NLRP1: variants seen among roughly 807,000 people sequenced by gnomAD.
The protein encoded by NLRP1 is NACHT, LRR and PYD domains-containing protein 1.
A neutral mutation model predicts 136.7 loss-of-function variants in NLRP1; 94 were observed. That is an observed-to-expected ratio of 0.69 (90% CI 0.58 to 0.82). The LOEUF (loss-of-function observed/expected upper bound fraction) is 0.82, where lower values mean the gene tolerates loss of function less well. Among genes scored for constraint, NLRP1 ranks in the 40% least tolerant of loss-of-function variants. NLRP1 has a pLI of 0.00. For missense variants in NLRP1, 1,575 were observed against 1,802.7 expected (o/e 0.87, Z 2.29); for synonymous variants, 690 against 725.1 (o/e 0.95, Z 0.78).
chr17:5,512,173 T>C, downstream of NLRP1: 1 of 1,086,866 alleles, frequency 9.2e-7, no homozygotes, highest in African/African-American at 1.5e-5. Context: ...ATTCTCACTT[T>C]CAGGGCAATC....
chr17:5,540,753 TCCCCTTCCCATGC>T (rs1461935805), intron 6 of NLRP1, among the ~76,000 whole-genome samples: 3 of 152,130 alleles, frequency 2.0e-5, no homozygotes, highest in Non-Finnish European at 2.9e-5. Context: ...CCTCGTTGTC[TCCCCTTCCCATGC>T]CCCCTTCCCA....
chr17:5,512,360 C>T (rs1304714004), downstream of NLRP1: 37 of 1,267,844 alleles, frequency 2.9e-5, no homozygotes, highest in South Asian at 1.4e-4. Context: ...TTGGTTATTT[C>T]GTGATCTGTG....
At chr17:5,566,314 C>T (rs1420853885) in intron 3 of NLRP1, among the ~76,000 whole-genome samples, 1 of 151,768 alleles carries the variant, frequency 6.6e-6, no homozygotes, top group African/African-American at 2.4e-5. Flanking sequence ...TAGCTATAAA[C>T]TTCTCTCTTA....
exon 16 of NLRP1, chr17:5,501,563 CCTT>C (rs780265224): frequency 2.5e-6 from 1 of 400,494 alleles, no homozygotes; most frequent in African/African-American, 2.0e-5. Flanking sequence ...CATTTCTCTG[CCTT>C]CTTCCTTTTT....
At chr17:5,582,932 C>G (rs1250232855) in intron 1 of NLRP1, 86 bp from the exon 2 acceptor site, 11 of 1,076,214 alleles carry the variant, frequency 1.0e-5, no homozygotes, top group Non-Finnish European at 1.5e-5. Flanking sequence ...CCTCTCTCAA[C>G]CAAGAGAGGT....
At chr17:5,525,397 G>C (rs1485352092) in intron 12 of NLRP1, among the ~76,000 whole-genome samples, 1 of 152,240 alleles carries the variant, frequency 6.6e-6, no homozygotes, top group Non-Finnish European at 1.5e-5. Context: ...TCCTTTCCCA[G>C]CCGCATGCCC....
chr17:5,524,992 G>C (rs1909352429), intron 12 of NLRP1, among the ~76,000 whole-genome samples: 1 of 152,200 alleles, frequency 6.6e-6, no homozygotes, highest in Admixed American at 6.5e-5. Flanking sequence ...AAACCTGACA[G>C]TATATTTGTG....
chr17:5,519,305 C>A (rs1364563152), intron 14 of NLRP1, among the ~76,000 whole-genome samples: 1 of 151,558 alleles, frequency 6.6e-6, no homozygotes, highest in Non-Finnish European at 1.5e-5. Flanking sequence ...CCCGGCCCTC[C>A]CGGCTAATTT....
At position 5,541,160 on chromosome 17, in the gene NLRP1, T is replaced by A. The variant is rs1273717496; in HGVS notation, c.2699+697A>T. On this transcript the variant is annotated intron_variant, in intron 6 of 16. Coordinates refer to ENST00000572272, the MANE Select transcript of NLRP1 (RefSeq NM_033004.4). This position sits in a 1 kb window ranked among gnomAD's most constrained non-coding sequence, Gnocchi z 4.2. ...TCTGTGTTCAAGCAATTCTCCTGCC[T>A]CAGGCTCCCTGAGTAGCTGGGATTA... Among the ~76,000 whole-genome samples, 1 of 152,198 alleles carries A rather than the reference T, an allele frequency of 6.6e-6. No individual in the cohort carries two copies. The highest frequency in any genetic ancestry group is 1.5e-5 in the Non-Finnish European group (1 of 68,044).
Position 5,514,740 on chromosome 17 carries a change from C to T in NLRP1, c.*14G>A. On this transcript the variant is annotated 3_prime_UTR_variant, in exon 17 of 17. Coordinates refer to ENST00000572272, the MANE Select transcript of NLRP1 (RefSeq NM_033004.4). ...AAAGCCAGGACTCAAGGGTCAAGGGCTGGTGTTGATACTTCAGCTGCTGAG... is the reference window on the plus strand; with the variant it reads ...AAAGCCAGGACTCAAGGGTCAAGGGTTGGTGTTGATACTTCAGCTGCTGAG... 6.2e-7 allele frequency: 1 copy of T among 1,613,162 alleles called. No homozygotes were observed. Among genetic ancestry groups the T allele is most frequent in the Non-Finnish European group, 8.5e-7 (1 of 1,179,164 alleles).
intron 15 of NLRP1, among the ~76,000 whole-genome samples, chr17:5,516,865 G>A (rs1316749395): frequency 6.6e-6 from 1 of 152,188 alleles, no homozygotes; most frequent in African/African-American, 2.4e-5. Context: ...CTCAGAGGTA[G>A]ATTCACCATT....
intron 5 of NLRP1, among the ~76,000 whole-genome samples, chr17:5,549,238 A>G (rs532964190): frequency 4.0e-5 from 6 of 149,644 alleles, no homozygotes; most frequent in Non-Finnish European, 7.4e-5. Flanking sequence ...TAATTTTTGT[A>G]TATTGATCTT....
At chr17:5,512,219 AACC>A (rs1322443704), downstream of NLRP1, 1 of 1,442,760 alleles carries the variant, frequency 6.9e-7, no homozygotes, top group African/African-American at 1.4e-5. Context: ...TGAAGTTGGC[AACC>A]ACTACCATCA....
In NLRP1 at chr17:5,550,511, C is replaced by T. The variant is rs539087921; in HGVS notation, c.2528+2875G>A. On this transcript the variant is annotated intron_variant, in intron 5 of 16. Transcript: ENST00000572272. ...TATTTCATAATATTCACTTATAATC[C>T]TTTTATTTCTGTAAGTTCAATTGTG... is the stretch of plus-strand genomic sequence containing the variant. Among the ~76,000 whole-genome samples the T allele has an allele frequency of 1.4e-4, 21 of 152,074 alleles. No homozygotes were observed. The East Asian group carries it at 3.7e-3, about 27-fold the overall frequency.
At position 5,501,811 on chromosome 17, in the gene NLRP1, G is replaced by A. The variant is rs1907099765; in HGVS notation, c.*3C>T. On this transcript the variant is annotated 3_prime_UTR_variant, in exon 16 of 16. Coordinates refer to the NLRP1 transcript ENST00000262467. ...CATTGGTACTGCCGCAGGCTGCTGG[G>A]CACTAGTATCTCCTGGCGTCTCTGT... 1.9e-6 allele frequency: 3 copies of A among 1,613,124 alleles called. No individual in the cohort carries two copies. The African/African-American group carries it at 4.0e-5, about 22-fold the overall frequency.
intron 3 of NLRP1, among the ~76,000 whole-genome samples, chr17:5,570,855 A>C (rs753219533): frequency 1.1e-4 from 16 of 152,322 alleles, no homozygotes; most frequent in Admixed American, 5.2e-4. Flanking sequence ...AGCTGCAAAA[A>C]TCTTCAGCAA....
At chr17:5,509,878 A>T (rs1307312734), downstream of NLRP1, among the ~76,000 whole-genome samples, 1 of 152,094 alleles carries the variant, frequency 6.6e-6, no homozygotes, top group African/African-American at 2.4e-5. Flanking sequence ...GAGAAAGAAA[A>T]CTTCATGTAG....
At position 5,537,510 on chromosome 17, in the gene NLRP1, T is replaced by C. The variant is rs1260439462; in HGVS notation, c.2871-570A>G. On this transcript the variant is annotated intron_variant, in intron 7 of 16. Transcript: ENST00000572272. This position sits in a 1 kb window ranked among gnomAD's most constrained non-coding sequence, Gnocchi z 4.5. ...TCTGGGGTTTCTGCCAGATGTGAGA[T>C]GCTGATTGTCTTCTCTGGGTCTCTG... is the stretch of plus-strand genomic sequence containing the variant. Among the ~76,000 whole-genome samples the C allele has an allele frequency of 1.3e-5, 2 of 152,126 alleles. No homozygotes were observed. Among genetic ancestry groups the C allele is most frequent in the Non-Finnish European group, 2.9e-5 (2 of 68,008 alleles).
At chr17:5,524,956 TAGATTGTGGTAG>T (rs1036200322) in intron 12 of NLRP1, among the ~76,000 whole-genome samples, 2 of 152,124 alleles carry the variant, frequency 1.3e-5, no homozygotes, top group African/African-American at 4.8e-5. Flanking sequence ...GCCCTTTCCA[TAGATTGTGGTAG>T]AGTCACCTCA....
Sources: gnomAD v4.1 joint callset for allele counts (sites outside exome capture counted in the v4.1 genomes callset) on GRCh38, gnomAD v4.1.1 for gene constraint, Gnocchi (gnomAD v3.1) non-coding constraint, MANE v1.5 for transcripts, NCBI Gene and HGNC (gene_info 2026-07-23, HGNC 2026-07-21) for gene names.